The following BTBD19 variants were observed in gnomAD, a reference collection of about 807,000 sequenced individuals.
The protein encoded by BTBD19 is BTB domain containing 19.
A neutral mutation model predicts 36.1 loss-of-function variants in BTBD19; 20 were observed. That is an observed-to-expected ratio of 0.55 (90% CI 0.39 to 0.80). The LOEUF is 0.80. BTBD19 is among the 30% of genes least tolerant of loss of function. The probability of loss-of-function intolerance (pLI) is 0.00; values close to 1 mark genes in which losing one functional copy is unlikely to be tolerated. For missense variants in BTBD19, 325 were observed against 389.8 expected (o/e 0.83, Z 1.40); for synonymous variants, 157 against 174.3 (o/e 0.90, Z 0.78).
chr1:44,812,480 C>A (rs774806764), intron 4 of BTBD19: 1 of 454,036 alleles, frequency 2.2e-6, no homozygotes, highest in Admixed American at 2.4e-5. Context: ...CCGAGGCGGG[C>A]GGATCAAGAG....
Position 44,812,786 on chromosome 1 carries a change from C to CGTGT in BTBD19, c.415-161_415-158dup, listed in dbSNP as rs6143210. Among the ~76,000 whole-genome samples the CGTGT allele has an allele frequency of 3.7e-3, 505 of 135,052 alleles. 1 individual carries two copies. Among genetic ancestry groups the CGTGT allele is most frequent in the Non-Finnish European group, 4.1e-3 (256 of 62,372 alleles). The allele number at this position is 135,052 out of a possible 152,430, so 88.6% of individuals were successfully genotyped here. On this transcript the variant is annotated intron_variant, in intron 4 of 7. Coordinates refer to ENST00000450269, the Ensembl canonical transcript of BTBD19. ...AAGAGCAGGTTGTAGAGTGAGTCCA[C>CGTGT]GTGTGTGTGTGTGTGTGTGTGTGTG... is the stretch of plus-strand genomic sequence containing the variant.
At chr1:44,813,000 C>T (rs1652496509) in exon 5 of BTBD19, 2 of 1,550,730 alleles carry the variant, frequency 1.3e-6, no homozygotes, top group Non-Finnish European at 1.7e-6. Flanking sequence ...TCGCAGGTGG[C>T]CGTAACCTTT....
Position 44,810,197 on chromosome 1 carries a change from T to C in BTBD19, c.87-16T>C, listed in dbSNP as rs1652332735. On this transcript the variant is annotated splice_polypyrimidine_tract_variant and intron_variant, in intron 1 of 7. Transcript: ENST00000450269. This position sits in a 1 kb window ranked among gnomAD's most constrained non-coding sequence, Gnocchi z 4.2. The stretch of plus-strand genomic sequence containing the variant: ...GCTGGCCTCCTCCCCGCTGCCTCTC[T>C]GCCTGTCTCCCACAGTGATGTTTGC... 3.9e-6 allele frequency: 6 copies of C among 1,547,000 alleles called. No homozygotes were observed. Among genetic ancestry groups the C allele is most frequent in the Non-Finnish European group, 4.4e-6 (5 of 1,142,990 alleles).
chr1:44,812,786 CGTGTGTGTGT>C (rs6143210), intron 4 of BTBD19, among the ~76,000 whole-genome samples, 200 bp from the exon 5 acceptor site: 1,548 of 135,044 alleles, frequency 0.011, 10 homozygotes, highest in African/African-American at 0.012. Flanking sequence ...AGTGAGTCCA[CGTGTGTGTGT>C]GTGTGTGTGT....
intron 3 of BTBD19, among the ~76,000 whole-genome samples, chr1:44,811,233 A>AT (rs2148863424): frequency 6.6e-6 from 1 of 152,034 alleles, no homozygotes; most frequent in African/African-American, 2.4e-5. Flanking sequence ...AAAAAAAAAA[A>AT]AAAAAAGAAA....
chr1:44,809,372 G>C (rs181381780), intron 1 of BTBD19, among the ~76,000 whole-genome samples: 1 of 152,324 alleles, frequency 6.6e-6, no homozygotes, highest in East Asian at 1.9e-4. Context: ...AAGCCTCGGG[G>C]GTGCTGGCTG....
rs1652345097 is a variant in BTBD19, at chr1:44,810,351, C to T, written c.225C>T (p.Ser75=). Residue 75 remains serine (S), a synonymous_variant, in exon 2 of 8, where the codon AGC becomes AGT. Transcript: ENST00000450269. This position sits in a 1 kb window ranked among gnomAD's most constrained non-coding sequence, Gnocchi z 4.2. ...GGGTGCCCAGTCCTGTGGTGCTAAG[C>T]ACTGTGCCAACTGAGGCCTTCCTGG... is the stretch of plus-strand genomic sequence containing the variant. 5 of 1,551,772 alleles carry T rather than the reference C, an allele frequency of 3.2e-6. No homozygotes were observed. The highest frequency in any genetic ancestry group is 4.4e-6 in the Non-Finnish European group (5 of 1,147,002).
At chr1:44,812,476 C>T (rs748778287) in intron 4 of BTBD19, 14 of 454,126 alleles carry the variant, frequency 3.1e-5, no homozygotes, top group Non-Finnish European at 4.4e-5. Context: ...GAGGCCGAGG[C>T]GGGCGGATCA....
At chr1:44,809,806 G>A (rs987653148) in intron 1 of BTBD19, among the ~76,000 whole-genome samples, 17 of 152,190 alleles carry the variant, frequency 1.1e-4, no homozygotes, top group Non-Finnish European at 5.9e-5. Flanking sequence ...AAAAAGCTGA[G>A]TTTGCAGCTG....
Position 44,813,860 on chromosome 1 carries a change from C to T in BTBD19, c.*88C>T, listed in dbSNP as rs1033081259. On this transcript the variant is annotated 3_prime_UTR_variant, in exon 8 of 8. Coordinates refer to ENST00000450269, the Ensembl canonical transcript of BTBD19. The surrounding 1 kb of genome is among the most constrained non-coding windows in gnomAD (Gnocchi z 7.8). ...CTCCCGAAGTGCTCGGCGTTCGGAG[C>T]GGGCTTCCGTTCCCAGCGTGCCCAG... 3 of 1,517,350 alleles carry T rather than the reference C, an allele frequency of 2.0e-6. No individual in the cohort carries two copies. The highest frequency in any genetic ancestry group is 2.7e-6 in the Non-Finnish European group (3 of 1,119,820). 94.0% of individuals were successfully genotyped at this position (1,517,350 alleles called of 1,614,324 possible).
Position 44,813,581 on chromosome 1 carries a change from G to A in BTBD19, c.742-57G>A. ...AGGGGGCAGGAGCAGCCCGGCCCAC[G>A]GTCCTCGGGGCGAGGGGCCACCGCG... On this transcript the variant is annotated intron_variant, in intron 7 of 7. Coordinates refer to ENST00000450269, the Ensembl canonical transcript of BTBD19. The surrounding 1 kb of genome is among the most constrained non-coding windows in gnomAD (Gnocchi z 7.8). 3 of 1,534,768 alleles carry A rather than the reference G, an allele frequency of 2.0e-6. No individual in the cohort carries two copies. The highest frequency in any genetic ancestry group is 1.8e-6 in the Non-Finnish European group (2 of 1,135,986).
At chr1:44,808,754 C>T (rs1652252463) in exon 1 of BTBD19, 2 of 1,209,992 alleles carry the variant, frequency 1.7e-6, no homozygotes, top group African/African-American at 1.6e-5. Context: ...GCCTTGCTAA[C>T]CTCACCAGCT....
chr1:44,810,443 G>A lies in BTBD19; in HGVS notation c.300+17G>A. 1 of 1,551,272 alleles carries A rather than the reference G, an allele frequency of 6.4e-7. No individual in the cohort carries two copies. Among genetic ancestry groups the A allele is most frequent in the South Asian group, 1.2e-5 (1 of 84,030 alleles). On this transcript the variant is annotated intron_variant, in intron 2 of 7. Coordinates refer to ENST00000450269, the Ensembl canonical transcript of BTBD19. The surrounding 1 kb of genome is among the most constrained non-coding windows in gnomAD (Gnocchi z 4.2). ...CGCCACTCTGTGAGCCTGCTGACCA[G>A]GGGCCTGGGTGGGAGAGGTGGGGGG...
At chr1:44,812,818 TG>T (rs1652484877) in intron 4 of BTBD19, among the ~76,000 whole-genome samples, 177 bp from the exon 5 acceptor site, 1 of 112,640 alleles carries the variant, frequency 8.9e-6, no homozygotes, top group Non-Finnish European at 1.8e-5. Context: ...TGTGTGTGTG[TG>T]TGTGTGTGTG....
rs370911374 is a variant in BTBD19, at chr1:44,812,072, G to A, written c.388G>A (p.Val130Met). The A allele has an allele frequency of 6.2e-5, 81 of 1,305,386 alleles. No homozygotes were observed. In the Middle Eastern group the frequency reaches 1.1e-3, roughly 17 times the overall value. The allele number at this position is 1,305,386 out of a possible 1,614,324, so 80.9% of individuals were successfully genotyped here. A position where few individuals can be genotyped will look rare whatever the true frequency, so the allele number is the denominator to read the frequency against. The change falls in exon 4 of 8, where the codon GTG becomes ATG. Residue 130 changes from valine to methionine, a missense_variant. Physicochemically the swap from Val to Met is conservative, Grantham distance 21 (BLOSUM62 1). Coordinates refer to ENST00000450269, the Ensembl canonical transcript of BTBD19. ...GCAGTTTGTGGTGAAGGTGCTGGAT[G>A]TGGACTTGGTTTGTGAGGCCCTGCA...
In BTBD19 at chr1:44,811,950, G is replaced by A. The variant is rs570240060; in HGVS notation, c.355-89G>A. On this transcript the variant is annotated intron_variant, in intron 3 of 7. Coordinates refer to ENST00000450269, the Ensembl canonical transcript of BTBD19. ...GTCTGGGGCTGCTGGGTGACTCACCGCTCCAAGCCTGCTCACTGCTTCTGG... is the reference window on the plus strand; with the variant it reads ...GTCTGGGGCTGCTGGGTGACTCACCACTCCAAGCCTGCTCACTGCTTCTGG... 48 of 1,087,306 alleles carry A rather than the reference G, an allele frequency of 4.4e-5. No individual in the cohort carries two copies. In the South Asian group the frequency reaches 4.6e-4, roughly 10 times the overall value. The allele number at this position is 1,087,306 out of a possible 1,614,324, so 67.4% of individuals were successfully genotyped here.
In BTBD19 at chr1:44,810,263, G is replaced by A. The variant is rs923825260; in HGVS notation, c.137G>A (p.Arg46Gln). 44 of 1,551,718 alleles carry A rather than the reference G, an allele frequency of 2.8e-5. No individual in the cohort carries two copies. The highest frequency in any genetic ancestry group is 8.2e-5 in the African/African-American group (6 of 73,046). ...GAACGGCAGGAGGTATTTGCCCATC[G>A]GTGCTTGTTGGCCTGTAGATGCAAC... Residue 46 changes from arginine (R) to glutamine (Q), a missense_variant, in exon 2 of 8, where the codon CGG (arginine) becomes CAG (glutamine). Physicochemically the swap from Arg to Gln is conservative, Grantham distance 43. Transcript: ENST00000450269. This position sits in a 1 kb window ranked among gnomAD's most constrained non-coding sequence, Gnocchi z 4.2.
chr1:44,809,929 G>A (rs1326650480), intron 1 of BTBD19, among the ~76,000 whole-genome samples: 1 of 138,782 alleles, frequency 7.2e-6, no homozygotes. Flanking sequence ...CAGTAATCAA[G>A]CATAGTCATC....
At chr1:44,811,220 C>CA (rs35007342) in intron 3 of BTBD19, among the ~76,000 whole-genome samples, 18,166 of 70,934 alleles carry the variant, frequency 0.26, 1,487 homozygotes, top group Middle Eastern at 0.34. Context: ...GACTTGCCCT[C>CA]AAAAAAAAAA....
Sources: allele counts gnomAD v4.1 joint callset (sites outside exome capture counted in the v4.1 genomes callset), GRCh38; gene constraint gnomAD v4.1.1; non-coding constraint Gnocchi (gnomAD v3.1); transcripts MANE v1.5; gene names NCBI Gene and HGNC (gene_info 2026-07-23, HGNC 2026-07-21).